The following SPINT2 variants were observed in gnomAD, a reference collection of about 807,000 sequenced individuals.
SPINT2 encodes the protein kunitz-type protease inhibitor 2.
A neutral mutation model predicts 30.1 loss-of-function variants in SPINT2; 18 were observed. The ratio of observed to expected loss-of-function variants is 0.60; its 90% CI spans 0.41 to 0.89. The LOEUF is 0.89. Ranked by LOEUF, SPINT2 falls within the 40% of genes least tolerant of loss-of-function variation. The pLI, the probability that SPINT2 is intolerant of heterozygous loss-of-function variation, is 0.00. For missense variants in SPINT2, 276 were observed against 334.3 expected, an observed-to-expected ratio of 0.83 and a Z score of 1.36; for synonymous variants, 139 against 137.9, an observed-to-expected ratio of 1.01 and a Z score of -0.05.
In SPINT2 at chr19:38,290,487, C is replaced by G; in HGVS notation, c.554-50C>G. ...GCTGAGGGGATCCCCTGCGGCAGCT[C>G]TGTGGAATGGGGGCTGTGAGCTGAC... On this transcript the variant is annotated intron_variant, in intron 5 of 6. Transcript: ENST00000301244. This position sits in a 1 kb window ranked among gnomAD's most constrained non-coding sequence, Gnocchi z 4.3. 6.2e-7 allele frequency: 1 copy of G among 1,613,848 alleles called. No homozygotes were observed. The highest frequency in any genetic ancestry group is 8.5e-7 in the Non-Finnish European group (1 of 1,179,872).
At chr19:38,284,770 CAG>C (rs936192522) in intron 2 of SPINT2, among the ~76,000 whole-genome samples, 6 of 152,152 alleles carry the variant, frequency 3.9e-5, no homozygotes, top group Non-Finnish European at 8.8e-5. Context: ...TATTTTGAGA[CAG>C]AGTCTTGCTC....
rs143771318 is a variant in SPINT2, at chr19:38,283,690, A to G, written c.170A>G (p.Asn57Ser). 33 of 1,614,002 alleles carry G rather than the reference A, an allele frequency of 2.0e-5. No homozygotes were observed. The highest frequency in any genetic ancestry group is 1.6e-4 in the Middle Eastern group (1 of 6,084). Reference sequence around the variant, plus strand: ...GCCTCCATGCCTAGGTGGTGGTACAATGTCACTGACGGATCCTGCCAGCTG... The same window carrying G: ...GCCTCCATGCCTAGGTGGTGGTACAGTGTCACTGACGGATCCTGCCAGCTG... Reference protein sequence around the residue: ...CRASMPRWWYNVTDGSCQLFV... With the variant: ...CRASMPRWWYSVTDGSCQLFV... Residue 57 changes from asparagine to serine, a missense_variant, in exon 2 of 7, where the codon AAT becomes AGT. By Grantham distance (46) the Asn-to-Ser change is conservative. Transcript: ENST00000301244.
intron 1 of SPINT2, among the ~76,000 whole-genome samples, chr19:38,269,400 C>CTTTTTTTT (rs397859727): frequency 1.5e-5 from 1 of 64,896 alleles, no homozygotes; most frequent in Non-Finnish European, 2.7e-5. Context: ...TCTCCTGCAC[C>CTTTTTTTT]TTTTTTTTTT....
chr19:38,289,847 A>G, intron 4 of SPINT2: 1 of 515,860 alleles, frequency 1.9e-6, no homozygotes. Context: ...AGGGTCCCAG[A>G]TAGGTCTCAT....
intron 1 of SPINT2, among the ~76,000 whole-genome samples, chr19:38,269,464 G>T (rs771845967): frequency 7.5e-5 from 11 of 147,184 alleles, no homozygotes; most frequent in Non-Finnish European, 1.5e-4. Context: ...GGAGTGCAGT[G>T]GCGCCATCTT....
intron 1 of SPINT2, among the ~76,000 whole-genome samples, chr19:38,271,687 T>C (rs1418677994): frequency 2.0e-5 from 3 of 151,184 alleles, no homozygotes; most frequent in Non-Finnish European, 4.4e-5. Context: ...CAAAAAAAAA[T>C]TAGCCGGGTG....
chr19:38,280,191 C>T (rs1008289592), intron 1 of SPINT2, among the ~76,000 whole-genome samples: 3 of 152,188 alleles, frequency 2.0e-5, no homozygotes, highest in African/African-American at 4.8e-5. Context: ...GAGGCACTGG[C>T]TCACAGCAGC....
At chr19:38,284,446 C>T (rs112970994) in intron 2 of SPINT2, among the ~76,000 whole-genome samples, 41 of 152,276 alleles carry the variant, frequency 2.7e-4, no homozygotes, top group African/African-American at 9.6e-4. Context: ...ATACTTTCCT[C>T]TCTTTATTAG....
rs1968732933 is a variant in SPINT2 at position 38,292,362 on chromosome 19, G to A, written c.*356G>A. The A allele has an allele frequency of 5.7e-6, 1 of 176,664 alleles. No individual in the cohort carries two copies. The highest frequency in any genetic ancestry group is 2.4e-5 in the African/African-American group (1 of 42,050). The allele number at this position is 176,664 out of a possible 1,614,324, so 10.9% of individuals were successfully genotyped here. On this transcript the variant is annotated 3_prime_UTR_variant, in exon 7 of 7. Coordinates refer to ENST00000301244, the MANE Select transcript of SPINT2 (RefSeq NM_021102.4). ...TTTGTCTGATTTATGGTTTTTTTAA[G>A]TATAAACAAAAGTTTTTTATTAGCA...
Position 38,264,752 on chromosome 19 carries a change from G to C in SPINT2, c.-141G>C. On this transcript the variant is annotated 5_prime_UTR_variant, in exon 1 of 7. Transcript: ENST00000301244. The stretch of plus-strand genomic sequence containing the variant: ...CGGAAAGGCGACTTCCGGGGGCTTT[G>C]GCACCTGGCGGACCCTCCCGGAGCG... The C allele has an allele frequency of 1.2e-6, 1 of 854,402 alleles. No homozygotes were observed. Among genetic ancestry groups the C allele is most frequent in the South Asian group, 1.6e-5 (1 of 60,782 alleles). 52.9% of individuals were successfully genotyped at this position (854,402 alleles called of 1,614,324 possible).
Position 38,290,272 on chromosome 19 carries a change from G to T in SPINT2, c.545G>T (p.Arg182Leu). Residue 182 changes from arginine to leucine, a missense_variant, in exon 5 of 7, where the codon CGC (arginine) becomes CTC (leucine). Transcript: ENST00000301244. The surrounding 1 kb of genome is among the most constrained non-coding windows in gnomAD (Gnocchi z 4.3). The stretch of plus-strand genomic sequence containing the variant: ...CGCTCTGAGGAGGCCTGCATGCTCC[G>T]CTGCTTCCGTAAGTCTGCAGCCCCT... ...SYRSEEACML[R>L]CFRQQENPPL... The T allele has an allele frequency of 1.9e-6, 3 of 1,611,716 alleles. No individual in the cohort carries two copies. Among genetic ancestry groups the T allele is most frequent in the Non-Finnish European group, 2.5e-6 (3 of 1,179,786 alleles).
At chr19:38,289,101 C>A in intron 3 of SPINT2, 37 bp from the exon 4 acceptor site, 3 of 1,606,384 alleles carry the variant, frequency 1.9e-6, no homozygotes, top group Non-Finnish European at 2.6e-6. Context: ...GTCCTGTGTC[C>A]GGCCCAGCCT....
At chr19:38,291,659 TTGG>T (rs1220003345) in intron 6 of SPINT2, 178 bp from the exon 7 acceptor site, 10 of 716,782 alleles carry the variant, frequency 1.4e-5, no homozygotes, top group Non-Finnish European at 2.2e-5. Context: ...GGGACTCTCC[TTGG>T]TGGCATCTCT....
In SPINT2 at chr19:38,292,492, C is replaced by T. The variant is rs1259457094; in HGVS notation, c.*486C>T. The T allele has an allele frequency of 6.3e-6, 1 of 158,118 alleles. No homozygotes were observed. Among genetic ancestry groups the T allele is most frequent in the African/African-American group, 2.4e-5 (1 of 41,458 alleles). 9.8% of individuals were successfully genotyped at this position (158,118 alleles called of 1,614,324 possible). A position where few individuals can be genotyped will look rare whatever the true frequency, so the allele number is the denominator to read the frequency against. ...TCTTTATGGGAGTCCTAATTTCAACCCTACCAAAATGATCACAAGACACTA... is the reference window on the plus strand; with the variant it reads ...TCTTTATGGGAGTCCTAATTTCAACTCTACCAAAATGATCACAAGACACTA... On this transcript the variant is annotated 3_prime_UTR_variant, in exon 7 of 7. Coordinates refer to ENST00000301244, the MANE Select transcript of SPINT2 (RefSeq NM_021102.4).
intron 2 of SPINT2, among the ~76,000 whole-genome samples, chr19:38,285,702 A>G (rs1250892833): frequency 2.0e-5 from 3 of 152,162 alleles, no homozygotes; most frequent in African/African-American, 7.2e-5. Flanking sequence ...AAATAAATAA[A>G]AATATTTTCA....
At chr19:38,278,318 A>G (rs908493183) in intron 1 of SPINT2, among the ~76,000 whole-genome samples, 14 of 152,160 alleles carry the variant, frequency 9.2e-5, no homozygotes, top group Non-Finnish European at 1.8e-4. Context: ...TTTTCTTCCC[A>G]TCAGTCTGAA....
Position 38,264,949 on chromosome 19 carries a change from G to A in SPINT2, c.57G>A (p.Ser19=), listed in dbSNP as rs2146262685. ...GGGCGTTTCTCGCCCTGCTGGGATC[G>A]CTGCTCCTCTCTGGGGTCCTGGCGG... ...RSRAFLALLG[S]LLLSGVLAAD... is the part of the protein sequence containing the mutation. Residue 19 remains serine (S), a synonymous_variant, in exon 1 of 7, where the codon TCG becomes TCA. Transcript: ENST00000301244. 1 of 1,536,506 alleles carries A rather than the reference G, an allele frequency of 6.5e-7. No homozygotes were observed.
intron 1 of SPINT2, among the ~76,000 whole-genome samples, chr19:38,270,702 G>A (rs1002591138): frequency 2.0e-5 from 3 of 152,188 alleles, no homozygotes; most frequent in Non-Finnish European, 4.4e-5. Context: ...AGCCTGCAAT[G>A]GAGAAATCAC....
At chr19:38,279,034 A>G in intron 1 of SPINT2, among the ~76,000 whole-genome samples, 1 of 152,084 alleles carries the variant, frequency 6.6e-6, no homozygotes, top group East Asian at 1.9e-4. Context: ...ATGTGACAAG[A>G]TGAGACGATT....
Sources: allele counts gnomAD v4.1 joint callset (sites outside exome capture counted in the v4.1 genomes callset), GRCh38; gene constraint gnomAD v4.1.1; non-coding constraint Gnocchi (gnomAD v3.1); transcripts MANE v1.5; gene names NCBI Gene and HGNC (gene_info 2026-07-23, HGNC 2026-07-21).